Variants in PFKFB4 observed in about 807,000 individuals in gnomAD.
PFKFB4 encodes the protein 6-phosphofructo-2-kinase/fructose-2,6-bisphosphatase 4.
Under a neutral mutation model 62.8 loss-of-function variants are expected in PFKFB4, and 42 were observed. That is an observed-to-expected ratio of 0.67 (90% confidence interval 0.52 to 0.86). PFKFB4 has a LOEUF of 0.86. Ranked by LOEUF, PFKFB4 falls within the 40% of genes least tolerant of loss-of-function variation. PFKFB4 has a pLI of 0.00. For missense variants in PFKFB4, 475 were observed against 627.2 expected (o/e 0.76, Z 2.59); for synonymous variants, 204 against 240.7 (o/e 0.85, Z 1.41).
intron 9 of PFKFB4, among the ~76,000 whole-genome samples, chr3:48,528,097 T>C (rs973562751): frequency 6.6e-6 from 1 of 152,106 alleles, no homozygotes; most frequent in African/African-American, 2.4e-5. Context: ...GAGGTACCTT[T>C]TCCTGGACCC....
At position 48,521,473 on chromosome 3, in the gene PFKFB4, T is replaced by A. The variant is rs569208117; in HGVS notation, c.1350+513A>T. On this transcript the variant is annotated intron_variant, in intron 13 of 13. Transcript: ENST00000232375. This position sits in a 1 kb window ranked among gnomAD's most constrained non-coding sequence, Gnocchi z 5.3. ...ACCCCATGCTGAGGCCCCTTCAGTA[T>A]CTGCATGGCCCTTTCCCCAAAAGTA... 1.3e-5 allele frequency among the ~76,000 whole-genome samples: 2 copies of A among 152,320 alleles called. No individual in the cohort carries two copies. The highest frequency in any genetic ancestry group is 6.5e-5 in the Admixed American group (1 of 15,294).
intron 3 of PFKFB4, among the ~76,000 whole-genome samples, chr3:48,549,285 T>C (rs1286437604): frequency 6.6e-6 from 1 of 152,100 alleles, no homozygotes; most frequent in Admixed American, 6.6e-5. Context: ...ATCTAGGAGA[T>C]GTCAATGCAA....
intron 1 of PFKFB4, among the ~76,000 whole-genome samples, chr3:48,554,326 G>C (rs1008635857): frequency 6.6e-6 from 1 of 152,216 alleles, no homozygotes; most frequent in Non-Finnish European, 1.5e-5. Flanking sequence ...CTGGGAGCTG[G>C]AGGTGCTGCA....
At chr3:48,532,034 C>T (rs928861108) in intron 9 of PFKFB4, among the ~76,000 whole-genome samples, 7 of 152,222 alleles carry the variant, frequency 4.6e-5, no homozygotes, top group East Asian at 3.9e-4. Flanking sequence ...AGGCCGGGTG[C>T]GGTGGCTCAC....
upstream of PFKFB4, chr3:48,556,997 TG>T: frequency 7.3e-7 from 1 of 1,367,068 alleles, no homozygotes; most frequent in East Asian, 3.0e-5. This position sits in a 1 kb window ranked among gnomAD's most constrained non-coding sequence, Gnocchi z 5.7. Flanking sequence ...CCGCCCGTTT[TG>T]GAACAAGTGG....
At chr3:48,529,020 CTTATTTAT>C (rs541772549) in intron 9 of PFKFB4, among the ~76,000 whole-genome samples, 41 of 151,680 alleles carry the variant, frequency 2.7e-4, no homozygotes, top group South Asian at 4.2e-4. Context: ...GAACTGTATA[CTTATTTAT>C]TTATTTATTT....
upstream of PFKFB4, chr3:48,562,642 G>T: frequency 1.3e-6 from 1 of 761,534 alleles, no homozygotes; most frequent in Non-Finnish European, 2.1e-6. The surrounding 1 kb of genome is among the most constrained non-coding windows in gnomAD (Gnocchi z 4.3). Flanking sequence ...GCTCCATGTG[G>T]CAGTGTCCAG....
At chr3:48,552,541 A>C (rs1162574722) in intron 1 of PFKFB4, among the ~76,000 whole-genome samples, 1 of 152,242 alleles carries the variant, frequency 6.6e-6, no homozygotes, top group Non-Finnish European at 1.5e-5. Flanking sequence ...CAAGTTAGGC[A>C]AGGCCTTGCC....
At chr3:48,522,853 C>T (rs572153201) in intron 12 of PFKFB4, among the ~76,000 whole-genome samples, 3 of 151,800 alleles carry the variant, frequency 2.0e-5, no homozygotes, top group East Asian at 3.9e-4. Flanking sequence ...TTCCGCCTCC[C>T]GGGTTCATGC....
chr3:48,539,536 G>A, intron 5 of PFKFB4, 161 bp downstream of exon 5: 1 of 736,234 alleles, frequency 1.4e-6, no homozygotes, highest in Non-Finnish European at 2.3e-6. Context: ...CTTCCCTCTG[G>A]AAAGCAAACC....
At chr3:48,528,170 T>C (rs2042323871) in intron 9 of PFKFB4, among the ~76,000 whole-genome samples, 1 of 152,112 alleles carries the variant, frequency 6.6e-6, no homozygotes, top group South Asian at 2.1e-4. Context: ...GTTCCCATGT[T>C]GGACGGCTAC....
intron 13 of PFKFB4, among the ~76,000 whole-genome samples, chr3:48,520,529 C>A (rs2042065340): frequency 6.6e-6 from 1 of 152,186 alleles, no homozygotes; most frequent in African/African-American, 2.4e-5. Context: ...GAGCTGCTGC[C>A]CCATGCAACA....
chr3:48,556,956 G>A (rs2043344523), upstream of PFKFB4: 1 of 1,395,020 alleles, frequency 7.2e-7, no homozygotes, highest in Non-Finnish European at 9.3e-7. This position sits in a 1 kb window ranked among gnomAD's most constrained non-coding sequence, Gnocchi z 5.7. Flanking sequence ...AAGGGGCCCG[G>A]CCTCCGACCA....
At chr3:48,542,388 T>C (rs1467856614) in intron 4 of PFKFB4, among the ~76,000 whole-genome samples, 1 of 149,716 alleles carries the variant, frequency 6.7e-6, no homozygotes, top group African/African-American at 2.5e-5. Flanking sequence ...AAAATCAGAA[T>C]CTCAGAATCA....
At chr3:48,526,781 A>G (rs1381461328) in intron 9 of PFKFB4, among the ~76,000 whole-genome samples, 2 of 150,942 alleles carry the variant, frequency 1.3e-5, no homozygotes, top group Non-Finnish European at 3.0e-5. Context: ...TCTACTAAAA[A>G]AATACAAAAA....
At chr3:48,562,745 C>T (rs1430991379), upstream of PFKFB4, 2 of 1,495,224 alleles carry the variant, frequency 1.3e-6, no homozygotes, top group Non-Finnish European at 1.8e-6. The surrounding 1 kb of genome is among the most constrained non-coding windows in gnomAD (Gnocchi z 4.3). Flanking sequence ...CAGGTCTTCC[C>T]ATCCAGGGTG....
At chr3:48,544,304 C>T (rs1386919297) in intron 3 of PFKFB4, among the ~76,000 whole-genome samples, 1 of 152,128 alleles carries the variant, frequency 6.6e-6, no homozygotes, top group Non-Finnish European at 1.5e-5. Flanking sequence ...TAGTGCTCAA[C>T]TTTCTTTCCT....
At chr3:48,554,798 T>A (rs761118785) in intron 1 of PFKFB4, among the ~76,000 whole-genome samples, 20 of 152,110 alleles carry the variant, frequency 1.3e-4, no homozygotes, top group Non-Finnish European at 4.4e-5. Flanking sequence ...ATGCCTGTAA[T>A]CCCAACACTT....
chr3:48,552,552 T>A (rs1423232818), intron 1 of PFKFB4, among the ~76,000 whole-genome samples: 4 of 152,208 alleles, frequency 2.6e-5, no homozygotes, highest in Non-Finnish European at 4.4e-5. Context: ...AGGCCTTGCC[T>A]CCTCAGGGCC....
Sources: gnomAD v4.1 joint callset for allele counts (sites outside exome capture counted in the v4.1 genomes callset) on GRCh38, gnomAD v4.1.1 for gene constraint, Gnocchi (gnomAD v3.1) non-coding constraint, MANE v1.5 for transcripts, NCBI Gene and HGNC (gene_info 2026-07-23, HGNC 2026-07-21) for gene names.